ERCC6L2: variants seen among roughly 807,000 people sequenced by gnomAD.
The protein encoded by ERCC6L2 is ERCC excision repair 6 like 2, also known as DNA excision repair protein ERCC-6-like 2.
ERCC6L2 carries 77 observed loss-of-function variants against 132.0 expected under a neutral mutation model. The observed-to-expected ratio is 0.58, with a 90% confidence interval of 0.49 to 0.71. The LOEUF (loss-of-function observed/expected upper bound fraction) is 0.71, where lower values mean the gene tolerates loss of function less well. Among genes scored for constraint, ERCC6L2 ranks in the 30% least tolerant of loss-of-function variants. The probability of loss-of-function intolerance (pLI) is 0.00; values close to 1 mark genes in which losing one functional copy is unlikely to be tolerated. For missense variants in ERCC6L2, 1,542 were observed against 1,837.6 expected, an observed-to-expected ratio of 0.84 and a Z score of 2.94; for synonymous variants, 583 against 632.4, an observed-to-expected ratio of 0.92 and a Z score of 1.17.
intron 16 of ERCC6L2, among the ~76,000 whole-genome samples, chr9:95,977,169 C>T (rs1316585353): frequency 1.3e-5 from 2 of 152,106 alleles, no homozygotes; most frequent in African/African-American, 4.8e-5. Context: ...AATTAAGAAA[C>T]ATCTGAGTAA....
In ERCC6L2 at chr9:96,017,942, T is replaced by A. The variant is rs2133242170; in HGVS notation, c.*4739T>A. Among the ~76,000 whole-genome samples, 1 of 152,306 alleles carries A rather than the reference T, an allele frequency of 6.6e-6. No individual in the cohort carries two copies. Among genetic ancestry groups the A allele is most frequent in the South Asian group, 2.1e-4 (1 of 4,824 alleles). ...GGAAATTCGGACACGTGCTACAACA[T>A]AGATGAATCTTGAGGACGGTATGCA... is the stretch of plus-strand genomic sequence containing the variant. On this transcript the variant is annotated 3_prime_UTR_variant, in exon 19 of 19. Transcript: ENST00000653738.
At chr9:95,908,413 A>G (rs925511240) in intron 4 of ERCC6L2, among the ~76,000 whole-genome samples, 3 of 152,206 alleles carry the variant, frequency 2.0e-5, no homozygotes, top group Admixed American at 6.5e-5. Flanking sequence ...CTGCAAGCCA[A>G]GGGGAGAGGC....
At chr9:95,957,568 T>C (rs2132997567) in intron 13 of ERCC6L2, among the ~76,000 whole-genome samples, 1 of 152,272 alleles carries the variant, frequency 6.6e-6, no homozygotes, top group South Asian at 2.1e-4. Context: ...TCCTCAATTA[T>C]GTAGTAATTT....
At chr9:95,895,876 G>A (rs1049061762) in intron 2 of ERCC6L2, among the ~76,000 whole-genome samples, 12 of 152,036 alleles carry the variant, frequency 7.9e-5, no homozygotes, top group South Asian at 2.1e-4. Flanking sequence ...ACAGGTGCCC[G>A]CCACCGGGCC....
chr9:95,916,183 T>C (rs1829576731), intron 5 of ERCC6L2, 44 bp from the exon 6 acceptor site: 2 of 1,554,300 alleles, frequency 1.3e-6, no homozygotes, highest in South Asian at 1.1e-5. Flanking sequence ...GTTAGTGTTT[T>C]TAGATAATAA....
chr9:95,960,628 G>A (rs1189659352), intron 13 of ERCC6L2, among the ~76,000 whole-genome samples: 2 of 152,076 alleles, frequency 1.3e-5, no homozygotes, highest in Non-Finnish European at 2.9e-5. Context: ...TAGATTCTTT[G>A]CTAGAGCCTC....
chr9:95,877,686 A>C (rs1827353302), intron 1 of ERCC6L2, among the ~76,000 whole-genome samples: 1 of 152,052 alleles, frequency 6.6e-6, no homozygotes, highest in Non-Finnish European at 1.5e-5. Flanking sequence ...GCACACCTGT[A>C]GTCCCAGCTA....
Position 96,013,143 on chromosome 9 carries a change from G to C in ERCC6L2, c.4593G>C (p.Trp1531Cys), listed in dbSNP as rs1416653773. Residue 1531 changes from tryptophan to cysteine, a missense_variant, in exon 19 of 19, where the codon TGG becomes TGC. Physicochemically the swap from Trp to Cys is radical, Grantham distance 215. Around this residue, in one of 4 missense-constraint regions of ERCC6L2, gnomAD observed 442 missense variants for 583.4 expected, o/e 0.76. Coordinates refer to ENST00000653738, the MANE Select transcript of ERCC6L2 (RefSeq NM_020207.7). ...GGAAATCAAATGAGAAATTTTTATG[G>C]AAGAAATTTAGCCCAAGTGATACAG... ...SLWKSNEKFL[W>C]KKFSPSDTDE... 1.5e-6 allele frequency: 2 copies of C among 1,367,138 alleles called. No homozygotes were observed. The highest frequency in any genetic ancestry group is 2.0e-6 in the Non-Finnish European group (2 of 1,021,730). The allele number at this position is 1,367,138 out of a possible 1,614,324, so 84.7% of individuals were successfully genotyped here.
At chr9:95,912,412 A>G (rs1373641131) in intron 4 of ERCC6L2, among the ~76,000 whole-genome samples, 6 of 152,130 alleles carry the variant, frequency 3.9e-5, no homozygotes, top group Admixed American at 3.9e-4. Context: ...TATACATTCA[A>G]ATGTTGGCAA....
In ERCC6L2 at chr9:95,966,570, C is replaced by CTG; in HGVS notation, c.1961_1962dup (p.Val655TrpfsTer52). On this transcript the variant is annotated frameshift_variant, in exon 14 of 19. Transcript: ENST00000653738. LOFTEE classifies it high-confidence loss of function. ...TGTTTTTTCTGTTTTAGCAACTTCA[C>CTG]TGTGTGGTGGTTGGAAGTGAAAATG... 6.7e-7 allele frequency: 1 copy of CTG among 1,487,112 alleles called. No homozygotes were observed. The highest frequency in any genetic ancestry group is 1.4e-5 in the South Asian group (1 of 69,564). The allele number at this position is 1,487,112 out of a possible 1,614,324, so 92.1% of individuals were successfully genotyped here. A position where few individuals can be genotyped will look rare whatever the true frequency, so the allele number is the denominator to read the frequency against.
At position 95,926,423 on chromosome 9, in the gene ERCC6L2, A is replaced by G. The variant is rs541979422; in HGVS notation, c.1534-1656A>G. Among the ~76,000 whole-genome samples the G allele has an allele frequency of 3.3e-5, 5 of 152,328 alleles. No homozygotes were observed. In the East Asian group the frequency reaches 5.8e-4, roughly 18 times the overall value. On this transcript the variant is annotated intron_variant, in intron 9 of 18. Coordinates refer to ENST00000653738, the MANE Select transcript of ERCC6L2 (RefSeq NM_020207.7). ...GGATTAAAAAAGCTGTGGTACAGCC[A>G]TACTGTGGAGTACTATTTAGCAATA...
At chr9:96,032,734 G>A (rs560465750) in intron 19 of ERCC6L2, among the ~76,000 whole-genome samples, 15 of 152,320 alleles carry the variant, frequency 9.8e-5, no homozygotes, top group South Asian at 2.1e-4. Flanking sequence ...GGCCTAGAAC[G>A]CAATGCTGGT....
intron 19 of ERCC6L2, among the ~76,000 whole-genome samples, chr9:96,035,774 T>G (rs1834511894): frequency 1.3e-5 from 2 of 152,190 alleles, no homozygotes; most frequent in South Asian, 4.1e-4. Flanking sequence ...CTGGACAAGA[T>G]AGGCAACAGG....
At chr9:96,039,254 G>A (rs922498663) in intron 20 of ERCC6L2, among the ~76,000 whole-genome samples, 10 of 152,238 alleles carry the variant, frequency 6.6e-5, no homozygotes, top group African/African-American at 2.4e-4. Flanking sequence ...TGGGTCCCAA[G>A]TGAAGGTTGG....
chr9:95,995,109 G>T lies in ERCC6L2; in HGVS notation c.3493-9411G>T, dbSNP rs1272764289. The stretch of plus-strand genomic sequence containing the variant: ...AATCATGTGCCTGTGAGGTAGGGGG[G>T]AATCTTCCTTGTATTTTTAAGTATA... On this transcript the variant is annotated intron_variant, in intron 17 of 18. Transcript: ENST00000653738. Among the ~76,000 whole-genome samples the T allele has an allele frequency of 2.6e-5, 4 of 152,096 alleles. No individual in the cohort carries two copies. In the East Asian group the frequency reaches 5.8e-4, roughly 22 times the overall value.
chr9:95,959,543 A>C (rs1156413332), intron 13 of ERCC6L2, among the ~76,000 whole-genome samples: 1 of 152,068 alleles, frequency 6.6e-6, no homozygotes, highest in Admixed American at 6.6e-5. Context: ...ATCTAATTAA[A>C]CTAAAGAGCT....
intron 18 of ERCC6L2, 146 bp downstream of exon 18, chr9:96,004,847 A>T (rs891693495): frequency 5.6e-5 from 26 of 461,720 alleles, no homozygotes; most frequent in Non-Finnish European, 8.5e-5. Context: ...ATAAACTGCA[A>T]ATGTTTTAGA....
intron 17 of ERCC6L2, among the ~76,000 whole-genome samples, chr9:95,993,395 C>T (rs1173611610): frequency 6.6e-6 from 1 of 152,178 alleles, no homozygotes; most frequent in African/African-American, 2.4e-5. Context: ...TTTTCCATTG[C>T]ACATCTGCAA....
intron 3 of ERCC6L2, among the ~76,000 whole-genome samples, chr9:95,902,230 A>G (rs1477512985): frequency 6.6e-6 from 1 of 152,160 alleles, no homozygotes; most frequent in African/African-American, 2.4e-5. Context: ...CATTTTAAAC[A>G]TTGATTTTTG....
Sources: gnomAD v4.1 joint callset for allele counts (sites outside exome capture counted in the v4.1 genomes callset) on GRCh38, gnomAD v4.1.1 for gene constraint, gnomAD v4.1.1 regional missense constraint, MANE v1.5 for transcripts, NCBI Gene and HGNC (gene_info 2026-07-23, HGNC 2026-07-21) for gene names.